COL4A2: variants seen among roughly 807,000 people sequenced by gnomAD.
The protein encoded by COL4A2 is collagen alpha-2(IV) chain.
In COL4A2, 99 loss-of-function variants were observed where a neutral mutation model predicts 200.2. That is an observed-to-expected ratio of 0.49 (90% CI 0.42 to 0.58). COL4A2 has a LOEUF of 0.58. Among genes scored for constraint, COL4A2 ranks in the 20% least tolerant of loss-of-function variants. COL4A2 has a pLI of 0.00. For synonymous variants in COL4A2, 897 were observed against 900.6 expected, an observed-to-expected ratio of 1.00 and a Z score of 0.07; for missense variants, 1,950 against 2,314.1, an observed-to-expected ratio of 0.84 and a Z score of 3.23.
At position 110,436,337 on chromosome 13, in the gene COL4A2, A is replaced by G. The variant is rs749884214; in HGVS notation, c.795A>G (p.Thr265=). 2 of 1,614,070 alleles carry G rather than the reference A, an allele frequency of 1.2e-6. No homozygotes were observed. Among genetic ancestry groups the G allele is most frequent in the Admixed American group, 3.3e-5 (2 of 60,006 alleles). ...CCCTCCACCCCATCATCGCGCCCAC[A>G]GGAGTCACCTTCCACCCAGATCAGT... ...SDTLHPIIAP[T]GVTFHPDQYK... Residue 265 remains threonine, a synonymous_variant, in exon 13 of 48, where the codon ACA becomes ACG. Coordinates refer to ENST00000360467, the MANE Select transcript of COL4A2 (RefSeq NM_001846.4).
At chr13:110,421,844 T>G (rs1258579209) in intron 4 of COL4A2, among the ~76,000 whole-genome samples, 5 of 152,144 alleles carry the variant, frequency 3.3e-5, no homozygotes, top group Non-Finnish European at 7.4e-5. Flanking sequence ...TTACTGACAG[T>G]GAAAGGAAAA....
intron 4 of COL4A2, among the ~76,000 whole-genome samples, chr13:110,369,705 C>T (rs983802189): frequency 2.6e-5 from 4 of 152,092 alleles, no homozygotes; most frequent in Non-Finnish European, 4.4e-5. Context: ...GCAATCCCAC[C>T]CTTCCCGCCT....
Position 110,492,731 on chromosome 13 carries a change from G to A in COL4A2, c.3563-480G>A, listed in dbSNP as rs114872658. Among the ~76,000 whole-genome samples, 868 of 152,350 alleles carry A rather than the reference G, an allele frequency of 5.7e-3. 8 individuals are homozygous for A. The highest frequency in any genetic ancestry group is 0.018 in the African/African-American group (761 of 41,588). On this transcript the variant is annotated intron_variant, in intron 38 of 47. Transcript: ENST00000360467. ...ACCAAACATACAGCAGTGGCGAGGC[G>A]TCAAGAAGAGGCATGGGACATGTCA...
At chr13:110,397,712 T>G (rs950294780) in intron 4 of COL4A2, among the ~76,000 whole-genome samples, 1 of 152,158 alleles carries the variant, frequency 6.6e-6, no homozygotes, top group African/African-American at 2.4e-5. Context: ...TGTGGATGAA[T>G]AGTCCTTTGT....
intron 4 of COL4A2, among the ~76,000 whole-genome samples, chr13:110,376,443 G>A (rs1413443240): frequency 6.6e-6 from 1 of 151,800 alleles, no homozygotes; most frequent in South Asian, 2.1e-4. Context: ...TAGATGAATT[G>A]TGATTCATTA....
intron 4 of COL4A2, among the ~76,000 whole-genome samples, chr13:110,357,870 T>C (rs1186559160): frequency 1.3e-5 from 2 of 152,168 alleles, no homozygotes; most frequent in Non-Finnish European, 2.9e-5. Context: ...GCATTTACCA[T>C]GAACGGAGCT....
chr13:110,364,392 A>T (rs546217895), intron 4 of COL4A2, among the ~76,000 whole-genome samples: 2 of 152,170 alleles, frequency 1.3e-5, no homozygotes, highest in Non-Finnish European at 2.9e-5. Flanking sequence ...TTATCTATCA[A>T]ATCCTCAATG....
At position 110,357,482 on chromosome 13, in the gene COL4A2, A is replaced by T; in HGVS notation, c.110A>T (p.Lys37Met). ...GTTTTATTGTTGCAGGGTGTGAAGA[A>T]GTTTGATGTGCCGTGTGGAGGAAGA... ...LAQSVLAGVK[K>M]FDVPCGGRDC... is the part of the protein sequence containing the mutation. The change falls in exon 4 of 48, where the codon AAG becomes ATG. Residue 37 changes from lysine to methionine, a missense_variant. By Grantham distance (95) the Lys-to-Met change is moderately conservative. Transcript: ENST00000360467. The T allele has an allele frequency of 6.3e-7, 1 of 1,591,214 alleles. No individual in the cohort carries two copies. The highest frequency in any genetic ancestry group is 8.6e-7 in the Non-Finnish European group (1 of 1,166,468).
intron 3 of COL4A2, among the ~76,000 whole-genome samples, chr13:110,326,786 C>G: frequency 6.6e-6 from 1 of 152,192 alleles, no homozygotes; most frequent in Non-Finnish European, 1.5e-5. Flanking sequence ...GGTGGTCAAC[C>G]TGGCCCTCTG....
At chr13:110,439,960 T>A in intron 16 of COL4A2, 127 bp downstream of exon 16, 1 of 1,383,382 alleles carries the variant, frequency 7.2e-7, no homozygotes, top group Non-Finnish European at 9.7e-7. Context: ...ATGGTTCTTG[T>A]ATTTGCAGTC....
At chr13:110,317,052 AC>A (rs1566469510) in intron 3 of COL4A2, among the ~76,000 whole-genome samples, 1 of 136,428 alleles carries the variant, frequency 7.3e-6, no homozygotes, top group South Asian at 2.1e-4. Flanking sequence ...ATGCACATAG[AC>A]ACACAGGCAC....
intron 3 of COL4A2, among the ~76,000 whole-genome samples, chr13:110,311,969 G>GCGGTGGCAAGTCCTTTC (rs1884996949): frequency 1.3e-5 from 2 of 152,252 alleles, no homozygotes; most frequent in African/African-American, 4.8e-5. Context: ...GCCGGCAGCT[G>GCGGTGGCAAGTCCTTTC]CGGTGGCAAG....
In COL4A2 at chr13:110,491,213, C is replaced by T; in HGVS notation, c.3347-20C>T. ...GGGCGCGGTGTCTGTTTGTTCCAAG[C>T]AGCATGTCTGTGGTTGCAGGTCTGA... On this transcript the variant is annotated intron_variant, in intron 36 of 47. Coordinates refer to ENST00000360467, the MANE Select transcript of COL4A2 (RefSeq NM_001846.4). The T allele has an allele frequency of 6.4e-7, 1 of 1,553,686 alleles. No individual in the cohort carries two copies. Among genetic ancestry groups the T allele is most frequent in the Non-Finnish European group, 8.8e-7 (1 of 1,139,094 alleles).
At chr13:110,392,090 C>T (rs1214194053) in intron 4 of COL4A2, among the ~76,000 whole-genome samples, 1 of 152,040 alleles carries the variant, frequency 6.6e-6, no homozygotes, top group Non-Finnish European at 1.5e-5. Flanking sequence ...AGGTGAAGAA[C>T]TTCAAATTTG....
chr13:110,511,090 C>G (rs1884067909), intron 47 of COL4A2, among the ~76,000 whole-genome samples: 1 of 151,922 alleles, frequency 6.6e-6, no homozygotes, highest in Non-Finnish European at 1.5e-5. Flanking sequence ...TCTAAGTAAA[C>G]AGATTCCAAA....
At chr13:110,421,745 G>A (rs1044339497) in intron 4 of COL4A2, among the ~76,000 whole-genome samples, 1 of 152,202 alleles carries the variant, frequency 6.6e-6, no homozygotes, top group Non-Finnish European at 1.5e-5. Flanking sequence ...AAAAAGAAAA[G>A]TTTACAGCAT....
At chr13:110,437,821 C>T (rs1185136096) in intron 13 of COL4A2, among the ~76,000 whole-genome samples, 181 bp from the exon 14 acceptor site, 4 of 152,168 alleles carry the variant, frequency 2.6e-5, no homozygotes, top group Admixed American at 6.5e-5. Flanking sequence ...GAAGAAATGA[C>T]ACCTCTTTTC....
intron 4 of COL4A2, among the ~76,000 whole-genome samples, chr13:110,360,121 A>G (rs142664354): frequency 2.6e-5 from 4 of 151,978 alleles, no homozygotes; most frequent in Non-Finnish European, 5.9e-5. Context: ...CTGACTGCAG[A>G]CTCTCCACCC....
Position 110,473,072 on chromosome 13 carries a change from C to T in COL4A2, c.2347C>T (p.Pro783Ser), listed in dbSNP as rs568478674. Residue 783 changes from proline (P) to serine (S), a missense_variant, in exon 29 of 48, where the codon CCA (proline) becomes TCA (serine). Physicochemically the swap from Pro to Ser is moderately conservative, Grantham distance 74 (BLOSUM62 -1). This residue lies in a region of COL4A2 where 1,385 missense variants were observed against 1,720.5 expected (regional missense o/e 0.80). Transcript: ENST00000360467. Reference sequence around the variant, plus strand: ...AGAAGTCCTGGGAGCTCAGCCCGGGCCACGGGGAGATGCTGGTGTGCCTGG... The same window carrying T: ...AGAAGTCCTGGGAGCTCAGCCCGGGTCACGGGGAGATGCTGGTGTGCCTGG... Reference protein sequence around the residue: ...PGEVLGAQPGPRGDAGVPGQP... With the variant: ...PGEVLGAQPGSRGDAGVPGQP... The T allele has an allele frequency of 3.2e-6, 5 of 1,540,110 alleles. No homozygotes were observed. The highest frequency in any genetic ancestry group is 2.1e-5 in the Admixed American group (1 of 48,678).
Sources: gnomAD v4.1 joint callset for allele counts (sites outside exome capture counted in the v4.1 genomes callset) on GRCh38, gnomAD v4.1.1 for gene constraint, gnomAD v4.1.1 regional missense constraint, MANE v1.5 for transcripts, NCBI Gene and HGNC (gene_info 2026-07-23, HGNC 2026-07-21) for gene names.